Variants in MAP7 observed in about 807,000 individuals in gnomAD.
MAP7 encodes the protein ensconsin.
In MAP7, 52 loss-of-function variants were observed where a neutral mutation model predicts 94.8. That is an observed-to-expected ratio of 0.55 (90% CI 0.44 to 0.69). The LOEUF (loss-of-function observed/expected upper bound fraction) is 0.69, where lower values mean the gene tolerates loss of function less well. Ranked by LOEUF, MAP7 falls within the 30% of genes least tolerant of loss-of-function variation. MAP7 has a pLI of 0.00. For missense variants in MAP7, 940 were observed against 964.6 expected, an observed-to-expected ratio of 0.97 and a Z score of 0.34; for synonymous variants, 350 against 357.0, an observed-to-expected ratio of 0.98 and a Z score of 0.22.
chr6:136,426,994 A>T (rs939577886), intron 1 of MAP7, among the ~76,000 whole-genome samples: 2 of 152,146 alleles, frequency 1.3e-5, no homozygotes, highest in East Asian at 1.9e-4. Context: ...CATGCTAAGA[A>T]CTCTGCCTTC....
At chr6:136,356,522 G>A (rs1790989610) in intron 16 of MAP7, among the ~76,000 whole-genome samples, 170 bp downstream of exon 16, 1 of 134,782 alleles carries the variant, frequency 7.4e-6, no homozygotes, top group Admixed American at 7.7e-5. Flanking sequence ...TTAATGACTT[G>A]AGAAAAAAGA....
At chr6:136,348,405 G>C (rs546389598) in intron 16 of MAP7, among the ~76,000 whole-genome samples, 15 of 152,268 alleles carry the variant, frequency 9.9e-5, no homozygotes, top group Middle Eastern at 3.4e-3. Flanking sequence ...AAATGTTCAG[G>C]GGACATCGGG....
At chr6:136,505,277 GTATATATATATATATA>G (rs56764706) in intron 1 of MAP7, among the ~76,000 whole-genome samples, 5 of 53,832 alleles carry the variant, frequency 9.3e-5, no homozygotes, top group African/African-American at 4.0e-4. Context: ...GTGTGTGTGT[GTATATATATATATATA>G]TATATATATA....
intron 5 of MAP7, among the ~76,000 whole-genome samples, chr6:136,384,574 C>G (rs1172590353): frequency 6.6e-6 from 1 of 151,522 alleles, no homozygotes; most frequent in African/African-American, 2.4e-5. Flanking sequence ...GCCTCGATCT[C>G]CTGGGCTCAA....
chr6:136,493,295 G>C (rs1360519517), intron 1 of MAP7, among the ~76,000 whole-genome samples: 1 of 151,936 alleles, frequency 6.6e-6, no homozygotes, highest in African/African-American at 2.4e-5. Context: ...GCTAATTTTT[G>C]TATTTTTAGA....
At chr6:136,450,175 ACT>A (rs939917228) in intron 1 of MAP7, among the ~76,000 whole-genome samples, 6 of 152,066 alleles carry the variant, frequency 3.9e-5, no homozygotes, top group African/African-American at 1.2e-4. Context: ...CAAGAGCAAA[ACT>A]CTGTCTCAAA....
chr6:136,437,145 C>T (rs1205097381), intron 1 of MAP7, among the ~76,000 whole-genome samples: 1 of 152,194 alleles, frequency 6.6e-6, no homozygotes, highest in Non-Finnish European at 1.5e-5. Flanking sequence ...GTATAACAGC[C>T]CCCTGACCTT....
Position 136,372,583 on chromosome 6 carries a change from G to C in MAP7, c.794C>G (p.Ser265Cys). The C allele has an allele frequency of 6.2e-7, 1 of 1,614,190 alleles. No individual in the cohort carries two copies. Among genetic ancestry groups the C allele is most frequent in the Non-Finnish European group, 8.5e-7 (1 of 1,180,040 alleles). Reference sequence around the variant, plus strand: ...TTTTGGTCGATCCATCGAATTTCTAGAGTGTGCAGCTTTGTAGGGCATGAT... The same window carrying C: ...TTTTGGTCGATCCATCGAATTTCTACAGTGTGCAGCTTTGTAGGGCATGAT... Reference protein sequence around the residue: ...PIIMPYKAAHSRNSMDRPKLF... With the variant: ...PIIMPYKAAHCRNSMDRPKLF... Residue 265 changes from serine (S) to cysteine (C), a missense_variant, in exon 8 of 18, where the codon TCT becomes TGT. Physicochemically the swap from Ser to Cys is moderately radical, Grantham distance 112. Transcript: ENST00000354570.
intron 6 of MAP7, 56 bp downstream of exon 6, chr6:136,383,615 G>GAAA: frequency 1.0e-6 from 1 of 957,224 alleles, no homozygotes; most frequent in East Asian, 2.9e-5. Flanking sequence ...TAAACATCCA[G>GAAA]AAAAAAAAGC....
chr6:136,549,486 G>A (rs1049887227), intron 1 of MAP7, among the ~76,000 whole-genome samples: 9 of 152,110 alleles, frequency 5.9e-5, no homozygotes, highest in Non-Finnish European at 1.3e-4. Flanking sequence ...AGATGGGCGG[G>A]GTTGGGAAGC....
At chr6:136,535,234 T>C (rs1046674865) in intron 1 of MAP7, among the ~76,000 whole-genome samples, 1 of 152,094 alleles carries the variant, frequency 6.6e-6, no homozygotes, top group Non-Finnish European at 1.5e-5. Context: ...TGTTTAAAAG[T>C]CTGGGACCTC....
chr6:136,427,023 G>A lies in MAP7; in HGVS notation c.68-5224C>T, dbSNP rs534425289. On this transcript the variant is annotated intron_variant, in intron 1 of 17. Transcript: ENST00000354570. ...TGCCTTCTATAGAATTTAGTAACTA[G>A]TCAGGTTCTTCCACTTACCCGTATC... Among the ~76,000 whole-genome samples the A allele has an allele frequency of 2.0e-5, 3 of 152,356 alleles. No individual in the cohort carries two copies. In the South Asian group the frequency reaches 6.2e-4, roughly 32 times the overall value.
chr6:136,407,002 A>G (rs1296471464), intron 3 of MAP7, among the ~76,000 whole-genome samples: 7 of 152,224 alleles, frequency 4.6e-5, no homozygotes, highest in Admixed American at 6.5e-5. Flanking sequence ...TACCTTGCCA[A>G]TTATGGCACG....
chr6:136,428,350 T>G (rs1793863963), intron 1 of MAP7, among the ~76,000 whole-genome samples: 2 of 152,092 alleles, frequency 1.3e-5, no homozygotes, highest in African/African-American at 4.8e-5. Flanking sequence ...ACCTCGTCCC[T>G]ACTAAGCATA....
chr6:136,369,059 A>T (rs999208324), intron 8 of MAP7, among the ~76,000 whole-genome samples: 1 of 152,246 alleles, frequency 6.6e-6, no homozygotes, highest in Non-Finnish European at 1.5e-5. Flanking sequence ...CAGTGTGCAG[A>T]TTTCAGATTC....
intron 1 of MAP7, among the ~76,000 whole-genome samples, chr6:136,547,018 C>T (rs913235954): frequency 6.6e-6 from 1 of 152,232 alleles, no homozygotes. Context: ...GAAAAGCTAT[C>T]TAGCTATGTG....
intron 1 of MAP7, among the ~76,000 whole-genome samples, chr6:136,525,416 T>G (rs941451114): frequency 2.0e-5 from 3 of 152,188 alleles, no homozygotes; most frequent in Non-Finnish European, 4.4e-5. Context: ...AACTCATCCT[T>G]TAAAGCAGAA....
At chr6:136,439,490 G>A (rs376378352) in intron 1 of MAP7, among the ~76,000 whole-genome samples, 3 of 152,156 alleles carry the variant, frequency 2.0e-5, no homozygotes, top group East Asian at 1.9e-4. Context: ...CAGCATAAAC[G>A]GTCTAAGACA....
chr6:136,448,763 C>T (rs1230676929), intron 1 of MAP7, among the ~76,000 whole-genome samples: 2 of 151,860 alleles, frequency 1.3e-5, no homozygotes, highest in African/African-American at 2.4e-5. Context: ...GGAATTATAG[C>T]AATGCCTGAG....
Sources: gnomAD v4.1 joint callset for allele counts (sites outside exome capture counted in the v4.1 genomes callset) on GRCh38, gnomAD v4.1.1 for gene constraint, MANE v1.5 for transcripts, NCBI Gene and HGNC (gene_info 2026-07-23, HGNC 2026-07-21) for gene names.